Variants in BBS9 observed in about 807,000 individuals in gnomAD.
The protein encoded by BBS9 is Bardet-Biedl syndrome 9, also known as protein PTHB1.
A neutral mutation model predicts 117.7 loss-of-function variants in BBS9; 89 were observed. That is an observed-to-expected ratio of 0.76 (90% confidence interval 0.64 to 0.90). The LOEUF is 0.90. Ranked by LOEUF, BBS9 falls within the 40% of genes least tolerant of loss-of-function variation. BBS9 has a pLI of 0.00. For missense variants in BBS9, 982 were observed against 1,042.2 expected (o/e 0.94, Z 0.80); for synonymous variants, 379 against 370.9 (o/e 1.02, Z -0.25).
intron 19 of BBS9, among the ~76,000 whole-genome samples, chr7:33,410,031 T>C (rs1830827738): frequency 6.6e-6 from 1 of 152,194 alleles, no homozygotes; most frequent in Admixed American, 6.5e-5. Context: ...AATTTACTTA[T>C]ATTATTCTGT....
rs114675281 is a variant in BBS9 at position 33,288,895 on chromosome 7, C to T, written c.1016+14939C>T. Among the ~76,000 whole-genome samples, 253 of 152,176 alleles carry T rather than the reference C, an allele frequency of 1.7e-3. 1 individual carries two copies. Among genetic ancestry groups the T allele is most frequent in the African/African-American group, 5.8e-3 (241 of 41,526 alleles). Reference sequence around the variant, plus strand: ...TATCCTCATTTTATAGATGATGTAACTGAGGCATAGAGAGATCAAATAACA... The same window carrying T: ...TATCCTCATTTTATAGATGATGTAATTGAGGCATAGAGAGATCAAATAACA... On this transcript the variant is annotated intron_variant, in intron 9 of 22. Coordinates refer to ENST00000242067, the MANE Select transcript of BBS9 (RefSeq NM_198428.3).
intron 20 of BBS9, among the ~76,000 whole-genome samples, chr7:33,527,613 C>T (rs957013112): frequency 1.4e-4 from 21 of 152,320 alleles, no homozygotes; most frequent in Non-Finnish European, 2.2e-4. Context: ...GGCTCGCGCA[C>T]GGTGCGCACA....
At chr7:33,219,477 C>T (rs142723991) in intron 5 of BBS9, among the ~76,000 whole-genome samples, 5,726 of 152,210 alleles carry the variant, frequency 0.038, 191 homozygotes, top group African/African-American at 0.087. Context: ...ATGTCTAGCT[C>T]GGGGATTGTA....
At chr7:33,466,102 C>G (rs554106482) in intron 19 of BBS9, among the ~76,000 whole-genome samples, 54 of 152,014 alleles carry the variant, frequency 3.6e-4, no homozygotes, top group African/African-American at 1.2e-3. Context: ...AAATGGTTAC[C>G]ACCATCAAAC....
At chr7:33,420,742 C>G (rs10225698) in intron 19 of BBS9, among the ~76,000 whole-genome samples, 96,648 of 151,988 alleles carry the variant, frequency 0.64, 31,426 homozygotes, top group African/African-American at 0.78. Context: ...TCAAAAGAAG[C>G]GGTCATTCCA....
intron 1 of BBS9, 61 bp from the exon 2 acceptor site, chr7:33,146,181 C>T: frequency 1.7e-6 from 2 of 1,178,176 alleles, no homozygotes; most frequent in Non-Finnish European, 2.5e-6. Flanking sequence ...TTTGCTATGC[C>T]TTAAGACATA....
At chr7:33,577,712 C>G (rs1187074670) in intron 21 of BBS9, among the ~76,000 whole-genome samples, 6 of 152,108 alleles carry the variant, frequency 3.9e-5, no homozygotes, top group African/African-American at 1.4e-4. Context: ...CCATGGAATA[C>G]TATACAGCCA....
chr7:33,506,055 T>C (rs1245023218), intron 20 of BBS9, among the ~76,000 whole-genome samples: 3 of 152,186 alleles, frequency 2.0e-5, no homozygotes. Flanking sequence ...TTAGAGAGAA[T>C]GGAGATAGCC....
chr7:33,336,683 A>G (rs1420706848), intron 10 of BBS9, 61 bp downstream of exon 10: 1 of 1,146,166 alleles, frequency 8.7e-7, no homozygotes, highest in African/African-American at 1.5e-5. Context: ...ATTATCTTGT[A>G]GATAGATATT....
intron 21 of BBS9, among the ~76,000 whole-genome samples, chr7:33,541,863 A>G (rs1013219122): frequency 1.3e-5 from 2 of 152,216 alleles, no homozygotes; most frequent in African/African-American, 4.8e-5. Context: ...ATGTTCTGAA[A>G]TTAGATTGTG....
intron 9 of BBS9, among the ~76,000 whole-genome samples, chr7:33,292,718 A>T (rs989114244): frequency 2.0e-5 from 3 of 152,144 alleles, no homozygotes; most frequent in African/African-American, 7.2e-5. Context: ...AAATTATAGA[A>T]AAAAGTTGGC....
At chr7:33,428,903 A>T (rs1834021198) in intron 19 of BBS9, among the ~76,000 whole-genome samples, 1 of 152,132 alleles carries the variant, frequency 6.6e-6, no homozygotes. Context: ...TAGCTTTGTA[A>T]ATACATTTTG....
intron 5 of BBS9, among the ~76,000 whole-genome samples, chr7:33,211,532 C>G (rs141629860): frequency 5.7e-4 from 87 of 151,860 alleles, no homozygotes; most frequent in African/African-American, 2.0e-3. Context: ...TTTGTTGTTT[C>G]TCTTTATGTC....
chr7:33,590,107 C>T (rs1861590735), intron 21 of BBS9, among the ~76,000 whole-genome samples: 1 of 152,086 alleles, frequency 6.6e-6, no homozygotes, highest in Non-Finnish European at 1.5e-5. Context: ...ATCAAGTCAG[C>T]TGAGAGCTGA....
chr7:33,376,106 T>C (rs1048162709), intron 17 of BBS9, among the ~76,000 whole-genome samples: 2 of 152,134 alleles, frequency 1.3e-5, no homozygotes, highest in Admixed American at 1.3e-4. Flanking sequence ...GAGGGTTTGC[T>C]GTACAGATTA....
chr7:33,158,994 G>A (rs555188776), intron 4 of BBS9, among the ~76,000 whole-genome samples: 39 of 152,266 alleles, frequency 2.6e-4, no homozygotes, highest in African/African-American at 9.1e-4. Flanking sequence ...GTTGGTTACA[G>A]CTTGAGGTTT....
intron 9 of BBS9, among the ~76,000 whole-genome samples, chr7:33,312,367 AGT>A (rs1359272721): frequency 6.6e-6 from 1 of 152,238 alleles, no homozygotes; most frequent in African/African-American, 2.4e-5. Context: ...GACATGTAAT[AGT>A]GTTGCATTAA....
chr7:33,207,998 G>A (rs1417782945), intron 5 of BBS9, among the ~76,000 whole-genome samples: 2 of 151,918 alleles, frequency 1.3e-5, no homozygotes, highest in Non-Finnish European at 2.9e-5. Context: ...TAGTAGAGAT[G>A]GGGTTTCACC....
chr7:33,398,515 A>G (rs1563118365), intron 19 of BBS9, among the ~76,000 whole-genome samples: 1 of 152,006 alleles, frequency 6.6e-6, no homozygotes. Context: ...AATTTTGTAA[A>G]TTTTTCTTTA....
Sources: gnomAD v4.1 joint callset for allele counts (sites outside exome capture counted in the v4.1 genomes callset) on GRCh38, gnomAD v4.1.1 for gene constraint, MANE v1.5 for transcripts, NCBI Gene and HGNC (gene_info 2026-07-23, HGNC 2026-07-21) for gene names.